The following HPSE2 variants were observed in gnomAD, a reference collection of about 807,000 sequenced individuals.
HPSE2 encodes the protein heparanase 2 (inactive), also known as inactive heparanase-2.
A neutral mutation model predicts 60.5 loss-of-function variants in HPSE2; 38 were observed. That is an observed-to-expected ratio of 0.63 (90% CI 0.48 to 0.82). The LOEUF is 0.82. HPSE2 is among the 40% of genes least tolerant of loss of function. HPSE2 has a pLI of 0.00. For synonymous variants in HPSE2, 295 were observed against 293.2 expected (o/e 1.01, Z -0.06); for missense variants, 713 against 740.4 (o/e 0.96, Z 0.43).
At chr10:99,163,694 C>G (rs996061252) in intron 2 of HPSE2, among the ~76,000 whole-genome samples, 3 of 151,958 alleles carry the variant, frequency 2.0e-5, no homozygotes, top group Non-Finnish European at 4.4e-5. Context: ...AAACCAGAAT[C>G]CCATATTGCA....
intron 3 of HPSE2, among the ~76,000 whole-genome samples, chr10:98,916,342 G>A (rs187337313): frequency 6.6e-6 from 1 of 152,314 alleles, no homozygotes. Flanking sequence ...CACAGACAAT[G>A]TCTACCCCTT....
chr10:98,883,857 G>A (rs578035682), intron 3 of HPSE2, among the ~76,000 whole-genome samples: 1 of 152,178 alleles, frequency 6.6e-6, no homozygotes, highest in Non-Finnish European at 1.5e-5. Flanking sequence ...AAGTGTTTAA[G>A]TGAAAGAGTC....
rs557881010 is a variant in HPSE2 at position 99,049,313 on chromosome 10, T to G, written c.610+94925A>C. On this transcript the variant is annotated intron_variant, in intron 3 of 11. Transcript: ENST00000370552. ...AAAACATTAGCATTACAACATAATATTTTCTAAAAATAAGCAAAGAGAAAG... is the reference window on the plus strand; with the variant it reads ...AAAACATTAGCATTACAACATAATAGTTTCTAAAAATAAGCAAAGAGAAAG... 3.3e-5 allele frequency among the ~76,000 whole-genome samples: 5 copies of G among 152,254 alleles called. 1 individual carries two copies. Among genetic ancestry groups the G allele is most frequent in the Admixed American group, 3.3e-4 (5 of 15,290 alleles).
At chr10:98,503,829 T>C (rs1942106577) in intron 9 of HPSE2, among the ~76,000 whole-genome samples, 1 of 152,100 alleles carries the variant, frequency 6.6e-6, no homozygotes, top group Non-Finnish European at 1.5e-5. Context: ...AAGGCATAAG[T>C]ATGGTTCAGT....
At chr10:98,887,901 A>T (rs900211958) in intron 3 of HPSE2, among the ~76,000 whole-genome samples, 1 of 141,272 alleles carries the variant, frequency 7.1e-6, no homozygotes, top group Non-Finnish European at 1.5e-5. Context: ...AGTTGTATAC[A>T]GTACCCTAAA....
At chr10:98,720,065 C>T (rs2134245118) in intron 5 of HPSE2, among the ~76,000 whole-genome samples, 2 of 151,814 alleles carry the variant, frequency 1.3e-5, no homozygotes, top group South Asian at 4.2e-4. Context: ...GAGTTTGAGG[C>T]TAGCTAGATA....
At chr10:98,646,894 A>T (rs969769161) in intron 6 of HPSE2, among the ~76,000 whole-genome samples, 2 of 152,244 alleles carry the variant, frequency 1.3e-5, no homozygotes, top group African/African-American at 4.8e-5. Flanking sequence ...ACACCTAGAG[A>T]AGCTCATTGC....
chr10:99,089,407 C>T (rs967000074), intron 3 of HPSE2, among the ~76,000 whole-genome samples: 6 of 152,202 alleles, frequency 3.9e-5, no homozygotes. Context: ...CCAGTTATCA[C>T]AGCACCATTT....
intron 6 of HPSE2, among the ~76,000 whole-genome samples, chr10:98,685,022 A>G (rs1018550825): frequency 6.6e-6 from 1 of 152,160 alleles, no homozygotes; most frequent in Non-Finnish European, 1.5e-5. Flanking sequence ...TTTATTAGAA[A>G]AAATTTCAAA....
Position 99,235,780 on chromosome 10 carries a change from G to A in HPSE2, c.23C>T (p.Pro8Leu). ...GGAGTTGCTGGAGGGCATGGCTTCAGGGAAGGCACAAAGCACCCTCATTCA... is the reference window on the plus strand; with the variant it reads ...GGAGTTGCTGGAGGGCATGGCTTCAAGGAAGGCACAAAGCACCCTCATTCA... MRVLCAF[P>L]EAMPSSNSRP... The change falls in exon 1 of 12, where the codon CCT (proline) becomes CTT (leucine). Residue 8 changes from proline to leucine, a missense_variant. By Grantham distance (98) the Pro-to-Leu change is moderately conservative. Transcript: ENST00000370552. The A allele has an allele frequency of 6.2e-7, 1 of 1,613,738 alleles. No individual in the cohort carries two copies. The highest frequency in any genetic ancestry group is 2.2e-5 in the East Asian group (1 of 44,812).
At chr10:98,500,150 A>G (rs1481040322) in intron 9 of HPSE2, among the ~76,000 whole-genome samples, 1 of 152,226 alleles carries the variant, frequency 6.6e-6, no homozygotes, top group African/African-American at 2.4e-5. Flanking sequence ...CAATGGATTT[A>G]AACTATACCT....
chr10:98,461,781 T>C (rs781284037), intron 11 of HPSE2: 7 of 1,591,584 alleles, frequency 4.4e-6, no homozygotes, highest in African/African-American at 4.0e-5. Context: ...AATGCCCTTT[T>C]AGATTCAGAT....
intron 11 of HPSE2, among the ~76,000 whole-genome samples, chr10:98,481,174 C>T (rs1427219839): frequency 1.3e-5 from 2 of 152,170 alleles, no homozygotes; most frequent in Admixed American, 6.5e-5. Flanking sequence ...AGAGTCAGCC[C>T]TTCTGTCAGA....
intron 6 of HPSE2, among the ~76,000 whole-genome samples, chr10:98,686,163 A>G (rs1266620060): frequency 6.6e-6 from 1 of 152,062 alleles, no homozygotes; most frequent in Non-Finnish European, 1.5e-5. Flanking sequence ...ATTTCTGCTT[A>G]TATCTTTATT....
chr10:99,054,049 T>G (rs2135507095), intron 3 of HPSE2, among the ~76,000 whole-genome samples: 2 of 152,164 alleles, frequency 1.3e-5, no homozygotes, highest in East Asian at 3.9e-4. Flanking sequence ...AGTTGCAGTC[T>G]TAGCAGATCA....
intron 3 of HPSE2, among the ~76,000 whole-genome samples, chr10:98,952,411 A>C (rs1189670034): frequency 1.3e-5 from 2 of 151,198 alleles, no homozygotes; most frequent in Non-Finnish European, 2.9e-5. Context: ...GGTGGAAAGG[A>C]GTGGAAGGTG....
chr10:99,235,431 C>A, intron 1 of HPSE2, 82 bp downstream of exon 1: 1 of 1,277,716 alleles, frequency 7.8e-7, no homozygotes, highest in African/African-American at 1.5e-5. Flanking sequence ...TTTCTTCTTT[C>A]CCCTTTGGAA....
intron 2 of HPSE2, among the ~76,000 whole-genome samples, chr10:99,182,304 C>A (rs550594530): frequency 6.6e-6 from 1 of 152,254 alleles, no homozygotes; most frequent in Admixed American, 6.5e-5. Flanking sequence ...CTAGTTTATC[C>A]CCCTTATTTT....
At chr10:98,516,687 A>ATT (rs1337870926) in intron 9 of HPSE2, among the ~76,000 whole-genome samples, 1 of 152,156 alleles carries the variant, frequency 6.6e-6, no homozygotes, top group Non-Finnish European at 1.5e-5. Context: ...AAGAGGTAAA[A>ATT]GCGCTTCTCT....
Sources: allele counts gnomAD v4.1 joint callset (sites outside exome capture counted in the v4.1 genomes callset), GRCh38; gene constraint gnomAD v4.1.1; transcripts MANE v1.5; gene names NCBI Gene and HGNC (gene_info 2026-07-23, HGNC 2026-07-21).